COL23A1: variants seen among roughly 807,000 people sequenced by gnomAD.
COL23A1 encodes the protein collagen alpha-1(XXIII) chain.
A neutral mutation model predicts 99.3 loss-of-function variants in COL23A1; 97 were observed. The observed-to-expected ratio is 0.98, with a 90% CI of 0.83 to 1.16. The LOEUF (loss-of-function observed/expected upper bound fraction) is 1.16, where lower values mean the gene tolerates loss of function less well. COL23A1 is among the 50% of genes most tolerant of loss of function. The pLI, the probability that COL23A1 is intolerant of heterozygous loss-of-function variation, is 0.00. For missense variants in COL23A1, 762 were observed against 757.4 expected (o/e 1.01, Z -0.07); for synonymous variants, 320 against 308.2 (o/e 1.04, Z -0.40).
rs9329140 is a variant in COL23A1 at position 178,265,637 on chromosome 5, C to G, written c.522+1670G>C. 9.2e-6 allele frequency: 9 copies of G among 982,770 alleles called. No homozygotes were observed. The African/African-American group carries it at 1.6e-4, about 17-fold the overall frequency. 60.9% of individuals were successfully genotyped at this position (982,770 alleles called of 1,614,324 possible). ...CACAGCAAGCCATCAGGTCCAGACCCCCACTCAGCCAGTCTACCTTGAGGA... is the reference window on the plus strand; with the variant it reads ...CACAGCAAGCCATCAGGTCCAGACCGCCACTCAGCCAGTCTACCTTGAGGA... On this transcript the variant is annotated intron_variant, in intron 8 of 28. Transcript: ENST00000390654.
intron 27 of COL23A1, among the ~76,000 whole-genome samples, chr5:178,240,701 G>A (rs187500656): frequency 9.0e-4 from 137 of 152,336 alleles, no homozygotes; most frequent in Admixed American, 3.2e-3. Flanking sequence ...AAAACTGTCC[G>A]AGGGGAGCGG....
At chr5:178,250,152 A>C in intron 17 of COL23A1, 47 bp from the exon 18 acceptor site, 1 of 1,611,240 alleles carries the variant, frequency 6.2e-7, no homozygotes, top group Non-Finnish European at 8.5e-7. Context: ...CCTTTCCTAA[A>C]GAGGTGTCAG....
At chr5:178,587,422 AG>A (rs1182786118) in intron 1 of COL23A1, among the ~76,000 whole-genome samples, 1 of 152,140 alleles carries the variant, frequency 6.6e-6, no homozygotes, top group Non-Finnish European at 1.5e-5. Context: ...GAACAAAGAG[AG>A]TGGGTCCCAT....
chr5:178,503,403 C>G (rs1278286446), intron 2 of COL23A1, among the ~76,000 whole-genome samples: 1 of 152,136 alleles, frequency 6.6e-6, no homozygotes, highest in Non-Finnish European at 1.5e-5. Flanking sequence ...TGAAAATGCT[C>G]CTACAGATTT....
chr5:178,242,454 C>T lies in COL23A1; in HGVS notation c.1441-60G>A. 3.2e-6 allele frequency: 5 copies of T among 1,547,374 alleles called. No individual in the cohort carries two copies. The South Asian group carries it at 4.5e-5, about 14-fold the overall frequency. On this transcript the variant is annotated intron_variant, in intron 25 of 28. Transcript: ENST00000390654. Reference sequence around the variant, plus strand: ...AGGCTGGAGGTTTGCCCCTCTGTTACCGGCTCATCTCTGTTCCTCTCCCAT... The same window carrying T: ...AGGCTGGAGGTTTGCCCCTCTGTTATCGGCTCATCTCTGTTCCTCTCCCAT...
chr5:178,374,231 G>C (rs964107488), intron 2 of COL23A1, among the ~76,000 whole-genome samples: 1 of 152,086 alleles, frequency 6.6e-6, no homozygotes, highest in East Asian at 1.9e-4. Context: ...GCCAATCTTT[G>C]CTCCTCCCAG....
intron 2 of COL23A1, among the ~76,000 whole-genome samples, chr5:178,507,849 T>C (rs891532022): frequency 6.6e-6 from 1 of 152,244 alleles, no homozygotes; most frequent in Non-Finnish European, 1.5e-5. Flanking sequence ...TCTTGAGAAC[T>C]GTGGGTTTGT....
At chr5:178,245,844 A>G (rs1764663619) in intron 25 of COL23A1, 98 bp downstream of exon 25, 1 of 1,396,518 alleles carries the variant, frequency 7.2e-7, no homozygotes, top group Non-Finnish European at 1.0e-6. Flanking sequence ...CCCTGGGGAA[A>G]GGGGTCACAC....
At chr5:178,382,331 C>G (rs1389084589) in intron 2 of COL23A1, among the ~76,000 whole-genome samples, 2 of 152,164 alleles carry the variant, frequency 1.3e-5, no homozygotes, top group African/African-American at 4.8e-5. Flanking sequence ...GTGTTTGTTT[C>G]CGAATCAGGT....
intron 2 of COL23A1, among the ~76,000 whole-genome samples, chr5:178,558,794 C>CTT (rs113249914): frequency 1.4e-5 from 2 of 144,724 alleles, no homozygotes; most frequent in African/African-American, 5.1e-5. Context: ...CAATTTCTGA[C>CTT]TTTTTTTTTT....
intron 5 of COL23A1, among the ~76,000 whole-genome samples, chr5:178,283,220 T>C (rs1756991663): frequency 6.6e-6 from 1 of 152,078 alleles, no homozygotes; most frequent in Admixed American, 6.5e-5. Context: ...AGAGTCAAGT[T>C]CCATCCCCCA....
At position 178,522,632 on chromosome 5, in the gene COL23A1, C is replaced by T. The variant is rs145144377; in HGVS notation, c.361+38050G>A. 1.1e-3 allele frequency among the ~76,000 whole-genome samples: 168 copies of T among 152,272 alleles called. 1 individual carries two copies. Among genetic ancestry groups the T allele is most frequent in the African/African-American group, 3.8e-3 (157 of 41,552 alleles). ...AGAATGTACCCAAGGGCAGGCAATG[C>T]GCTTGTATCTGAGGACAACGGGGAC... On this transcript the variant is annotated intron_variant, in intron 2 of 28. Transcript: ENST00000390654.
intron 2 of COL23A1, among the ~76,000 whole-genome samples, chr5:178,447,236 G>A (rs935476877): frequency 5.9e-5 from 9 of 152,010 alleles, no homozygotes; most frequent in Non-Finnish European, 1.5e-5. Context: ...TGGGATTACA[G>A]GTGTGCACCA....
At chr5:178,328,567 C>T (rs1759828623) in intron 2 of COL23A1, among the ~76,000 whole-genome samples, 1 of 152,192 alleles carries the variant, frequency 6.6e-6, no homozygotes, top group Non-Finnish European at 1.5e-5. Context: ...TAGGGAGCAG[C>T]TGTTAGCATT....
intron 1 of COL23A1, among the ~76,000 whole-genome samples, chr5:178,581,009 A>G (rs262046): frequency 0.042 from 6,379 of 152,292 alleles, 460 homozygotes; most frequent in African/African-American, 0.15. Context: ...CTCTATCTCA[A>G]AAAGAAATAA....
intron 2 of COL23A1, among the ~76,000 whole-genome samples, chr5:178,549,850 T>G: frequency 6.6e-6 from 1 of 152,158 alleles, no homozygotes; most frequent in Non-Finnish European, 1.5e-5. Context: ...AAAAACAATT[T>G]CTTTAACAAC....
At chr5:178,239,751 C>T (rs373444040) in intron 27 of COL23A1, among the ~76,000 whole-genome samples, 8 of 89,882 alleles carry the variant, frequency 8.9e-5, no homozygotes, top group Admixed American at 4.2e-4. Context: ...TGGCTTCCTG[C>T]CTGATGTGAC....
chr5:178,282,403 T>C (rs992176638), intron 5 of COL23A1, among the ~76,000 whole-genome samples: 2 of 152,208 alleles, frequency 1.3e-5, no homozygotes, highest in African/African-American at 4.8e-5. Flanking sequence ...CAGACAGGTA[T>C]GAGCAGGAGA....
intron 2 of COL23A1, among the ~76,000 whole-genome samples, chr5:178,549,872 C>T (rs1169681993): frequency 6.6e-6 from 1 of 152,102 alleles, no homozygotes; most frequent in African/African-American, 2.4e-5. Context: ...AAATAACAAA[C>T]ATGAGAAAAT....
Sources: allele counts gnomAD v4.1 joint callset (sites outside exome capture counted in the v4.1 genomes callset), GRCh38; gene constraint gnomAD v4.1.1; transcripts MANE v1.5; gene names NCBI Gene and HGNC (gene_info 2026-07-23, HGNC 2026-07-21).